Variants in LRRC31 observed in about 807,000 individuals in gnomAD.
LRRC31 encodes leucine rich repeat containing 31.
Under a neutral mutation model 46.7 loss-of-function variants are expected in LRRC31, and 35 were observed. The observed-to-expected ratio is 0.75, with a 90% CI of 0.57 to 0.99. The LOEUF is 0.99. LRRC31 is among the 50% of genes least tolerant of loss of function. LRRC31 has a pLI of 0.00. For synonymous variants in LRRC31, 236 were observed against 235.1 expected (o/e 1.00, Z -0.03); for missense variants, 613 against 626.1 (o/e 0.98, Z 0.22).
intron 1 of LRRC31, among the ~76,000 whole-genome samples, chr3:169,868,041 T>TTGAGCAATATAATAATATGTTCTAG (rs1781383341): frequency 6.6e-6 from 1 of 152,230 alleles, no homozygotes; most frequent in Non-Finnish European, 1.5e-5. Flanking sequence ...AATGTGGGAA[T>TTGAGCAATATAATAATATGTTCTAG]TGAGCAATAT....
At chr3:169,855,076 AG>A in intron 5 of LRRC31, 96 bp from the exon 6 acceptor site, 1 of 1,081,396 alleles carries the variant, frequency 9.2e-7, no homozygotes, top group East Asian at 2.4e-5. Context: ...GGATTGCTTG[AG>A]CCCCGGAGTT....
intron 1 of LRRC31, among the ~76,000 whole-genome samples, chr3:169,868,037 G>T (rs1234268848): frequency 6.6e-6 from 1 of 152,180 alleles, no homozygotes; most frequent in Admixed American, 6.5e-5. Context: ...TAGCAATGTG[G>T]GAATTGAGCA....
At chr3:169,858,857 T>C (rs1381367511) in intron 3 of LRRC31, among the ~76,000 whole-genome samples, 1 of 151,772 alleles carries the variant, frequency 6.6e-6, no homozygotes, top group Non-Finnish European at 1.5e-5. Flanking sequence ...TACAAAAAAA[T>C]TAGCCAGGCA....
chr3:169,862,721 A>T (rs1253401209), intron 1 of LRRC31, among the ~76,000 whole-genome samples: 1 of 152,178 alleles, frequency 6.6e-6, no homozygotes. Flanking sequence ...AGATTGTGCC[A>T]CTTCACACCA....
chr3:169,848,626 A>G (rs1391618308), intron 7 of LRRC31, among the ~76,000 whole-genome samples: 1 of 151,882 alleles, frequency 6.6e-6, no homozygotes, highest in Non-Finnish European at 1.5e-5. Context: ...CCAGCTAATT[A>G]TTTTTGTATT....
At chr3:169,867,280 T>C in intron 1 of LRRC31, among the ~76,000 whole-genome samples, 1 of 141,462 alleles carries the variant, frequency 7.1e-6, no homozygotes, top group Non-Finnish European at 1.5e-5. Flanking sequence ...GACAGAGTCT[T>C]GCTCTGTCGC....
intron 5 of LRRC31, 72 bp from the exon 6 acceptor site, chr3:169,855,052 A>G: frequency 7.7e-7 from 1 of 1,303,504 alleles, no homozygotes; most frequent in South Asian, 1.3e-5. Context: ...GCTGCTAGGG[A>G]GACCAAGGCA....
At position 169,840,004 on chromosome 3, in the gene LRRC31, A is replaced by C; in HGVS notation, c.1637T>G (p.Phe546Cys). Residue 546 changes from phenylalanine to cysteine, a missense_variant, in exon 9 of 9, where the codon TTT becomes TGT. Phe to Cys is a radical substitution (Grantham distance 205). Transcript: ENST00000316428. ...AGTTTACTGAAACCCACCATGGTCAAAGTGAATGCTTCTTTTTTTATCTTG... is the reference window on the plus strand; with the variant it reads ...AGTTTACTGAAACCCACCATGGTCACAGTGAATGCTTCTTTTTTTATCTTG... The part of the protein sequence containing the change: ...FDQDKKRSIH[F>C]DHGGFQ 4.3e-6 allele frequency: 7 copies of C among 1,613,004 alleles called. No homozygotes were observed. The highest frequency in any genetic ancestry group is 5.9e-6 in the Non-Finnish European group (7 of 1,179,500).
chr3:169,859,850 AAACTACATGAGGCTGGACACGG>A (rs1781091173), intron 3 of LRRC31, among the ~76,000 whole-genome samples: 1 of 152,164 alleles, frequency 6.6e-6, no homozygotes, highest in African/African-American at 2.4e-5. Flanking sequence ...ACCTCCATTG[AAACTACATGAGGCTGGACACGG>A]TGGCTCACAC....
At chr3:169,864,496 C>T (rs1339316617) in intron 1 of LRRC31, among the ~76,000 whole-genome samples, 1 of 152,214 alleles carries the variant, frequency 6.6e-6, no homozygotes, top group Non-Finnish European at 1.5e-5. Context: ...TTGGTTTACT[C>T]ATCTATGAAA....
rs1034606985 is a variant in LRRC31 at position 169,840,275 on chromosome 3, T to G, written c.1366A>C (p.Lys456Gln). ...CTGTCATTGTAGCTCAGGTCCAGCT[T>G]TTGCAGTTTGGCCAGATGACCCGTC... ...IQTGHLAKLQ[K>Q]LDLSYNDSIC... Residue 456 changes from lysine to glutamine, a missense_variant, in exon 9 of 9, where the codon AAG becomes CAG. Lys to Gln is a moderately conservative substitution (Grantham distance 53, BLOSUM62 1). Transcript: ENST00000316428. 11 of 1,614,090 alleles carry G rather than the reference T, an allele frequency of 6.8e-6. No homozygotes were observed. The highest frequency in any genetic ancestry group is 9.3e-6 in the Non-Finnish European group (11 of 1,180,004).
At chr3:169,867,547 G>A (rs939502947) in intron 1 of LRRC31, among the ~76,000 whole-genome samples, 6 of 151,536 alleles carry the variant, frequency 4.0e-5, no homozygotes, top group African/African-American at 1.2e-4. Context: ...ATGAGCCACC[G>A]CACCCGACCA....
At chr3:169,864,410 G>A (rs1446611773) in intron 1 of LRRC31, among the ~76,000 whole-genome samples, 2 of 152,218 alleles carry the variant, frequency 1.3e-5, no homozygotes, top group African/African-American at 2.4e-5. Context: ...TGACTGACAA[G>A]TAAGCAGTAC....
intron 8 of LRRC31, among the ~76,000 whole-genome samples, chr3:169,841,937 C>T (rs1255785248): frequency 2.6e-5 from 4 of 151,864 alleles, no homozygotes; most frequent in East Asian, 3.9e-4. Flanking sequence ...CCCAGCTACT[C>T]GGGAGGCTGA....
At position 169,861,656 on chromosome 3, in the gene LRRC31, T is replaced by C; in HGVS notation, c.319+14A>G. 6.2e-7 allele frequency: 1 copy of C among 1,612,472 alleles called. No homozygotes were observed. Among genetic ancestry groups the C allele is most frequent in the Non-Finnish European group, 8.5e-7 (1 of 1,179,368 alleles). On this transcript the variant is annotated intron_variant, in intron 2 of 8. Coordinates refer to ENST00000316428, the MANE Select transcript of LRRC31 (RefSeq NM_024727.4). ...GCCCTATCTTCCTCTATGCAAAGTCTGCTGCATACAGACCCATTTCTTTCA... is the reference window on the plus strand; with the variant it reads ...GCCCTATCTTCCTCTATGCAAAGTCCGCTGCATACAGACCCATTTCTTTCA...
At chr3:169,866,946 T>C (rs1781349253) in intron 1 of LRRC31, among the ~76,000 whole-genome samples, 1 of 150,698 alleles carries the variant, frequency 6.6e-6, no homozygotes, top group African/African-American at 2.5e-5. Flanking sequence ...TGGGTGACGG[T>C]GCGAAACTCT....
At chr3:169,860,511 A>T in intron 3 of LRRC31, 50 bp downstream of exon 3, 1 of 1,595,870 alleles carries the variant, frequency 6.3e-7, no homozygotes, top group Non-Finnish European at 8.6e-7. Context: ...TACAGCTGTG[A>T]GCCACGGCGC....
intron 8 of LRRC31, among the ~76,000 whole-genome samples, chr3:169,845,674 C>T (rs553322905): frequency 6.6e-6 from 1 of 152,218 alleles, no homozygotes; most frequent in South Asian, 2.1e-4. Context: ...TTAACCTCTA[C>T]CCATACCTCA....
At chr3:169,843,230 T>C (rs935401657) in intron 8 of LRRC31, among the ~76,000 whole-genome samples, 1 of 152,134 alleles carries the variant, frequency 6.6e-6, no homozygotes, top group East Asian at 1.9e-4. Context: ...GTCTTGAAAA[T>C]GAGGGGCCAT....
Sources: allele counts gnomAD v4.1 joint callset (sites outside exome capture counted in the v4.1 genomes callset), GRCh38; gene constraint gnomAD v4.1.1; transcripts MANE v1.5; gene names NCBI Gene and HGNC (gene_info 2026-07-23, HGNC 2026-07-21).